Variants in CNTN5 observed in about 807,000 individuals in gnomAD.
CNTN5 encodes the protein contactin 5.
Under a neutral mutation model 129.1 loss-of-function variants are expected in CNTN5, and 77 were observed. The ratio of observed to expected loss-of-function variants is 0.60; its 90% confidence interval spans 0.50 to 0.72. The LOEUF (loss-of-function observed/expected upper bound fraction) is 0.72. CNTN5 is among the 30% of genes least tolerant of loss of function. CNTN5 has a pLI of 0.00. For missense variants in CNTN5, 1,478 were observed against 1,328.8 expected (o/e 1.11, Z -1.75); for synonymous variants, 509 against 465.6 (o/e 1.09, Z -1.20).
At chr11:100,136,538 T>C (rs1188935896) in intron 13 of CNTN5, among the ~76,000 whole-genome samples, 3 of 152,086 alleles carry the variant, frequency 2.0e-5, no homozygotes, top group Non-Finnish European at 4.4e-5. Context: ...TTTAGTTTTT[T>C]GTAATAATTG....
chr11:99,855,331 A>G (rs557156366), intron 6 of CNTN5, among the ~76,000 whole-genome samples: 1 of 152,218 alleles, frequency 6.6e-6, no homozygotes, highest in South Asian at 2.1e-4. Context: ...AACAACAACA[A>G]CAACAAAACT....
chr11:99,755,750 C>T (rs931153990), intron 3 of CNTN5, among the ~76,000 whole-genome samples: 3 of 151,994 alleles, frequency 2.0e-5, no homozygotes, highest in African/African-American at 4.8e-5. Context: ...GAATTAGAGA[C>T]CCTGAAAGAA....
At chr11:99,763,822 C>T (rs564694475) in intron 3 of CNTN5, among the ~76,000 whole-genome samples, 28 of 151,418 alleles carry the variant, frequency 1.8e-4, no homozygotes, top group South Asian at 1.3e-3. Context: ...ATAGAACAAC[C>T]GTAAAAAATC....
chr11:100,107,361 C>G (rs932650288), intron 13 of CNTN5, among the ~76,000 whole-genome samples: 1 of 151,828 alleles, frequency 6.6e-6, no homozygotes, highest in Non-Finnish European at 1.5e-5. Context: ...GGTCAATAGA[C>G]TTAATGAAAA....
At chr11:99,967,310 C>G (rs1362580318) in intron 8 of CNTN5, among the ~76,000 whole-genome samples, 1 of 152,162 alleles carries the variant, frequency 6.6e-6, no homozygotes, top group Non-Finnish European at 1.5e-5. Context: ...CCCTTACTGA[C>G]ATGGTGAAAA....
chr11:100,240,184 T>C (rs1450202071), intron 16 of CNTN5, among the ~76,000 whole-genome samples: 1 of 152,062 alleles, frequency 6.6e-6, no homozygotes, highest in African/African-American at 2.4e-5. Context: ...CTGTAATCCA[T>C]CCATTATATG....
At chr11:99,082,188 CTTTTT>C (rs747509458) in intron 1 of CNTN5, among the ~76,000 whole-genome samples, 1 of 132,814 alleles carries the variant, frequency 7.5e-6, no homozygotes, top group Non-Finnish European at 1.6e-5. Context: ...TCTCCAAAAG[CTTTTT>C]TTTTTTTTTT....
At chr11:99,607,426 A>G (rs199828250) in intron 3 of CNTN5, among the ~76,000 whole-genome samples, 28,760 of 137,786 alleles carry the variant, frequency 0.21, 3,361 homozygotes, top group Middle Eastern at 0.3. Flanking sequence ...TTAGAATGGC[A>G]ATCATTAAAA....
chr11:100,293,176 T>A (rs940914476), intron 18 of CNTN5, among the ~76,000 whole-genome samples: 7 of 151,876 alleles, frequency 4.6e-5, no homozygotes. Context: ...TGCATTTAGT[T>A]CATTGTGGAT....
At position 100,158,252 on chromosome 11, in the gene CNTN5, G is replaced by A. The variant is rs190438429; in HGVS notation, c.1581-32874G>A. 9.3e-4 allele frequency among the ~76,000 whole-genome samples: 142 copies of A among 151,942 alleles called. 1 individual carries two copies. The highest frequency in any genetic ancestry group is 1.9e-3 in the Non-Finnish European group (127 of 67,834). On this transcript the variant is annotated intron_variant, in intron 13 of 24. Coordinates refer to ENST00000524871, the MANE Select transcript of CNTN5 (RefSeq NM_014361.4). Reference sequence around the variant, plus strand: ...AAAATGGATCAGGGTTACTGGAAATGGAGAGTTGTTGGTCAAAGGATACAA... The same window carrying A: ...AAAATGGATCAGGGTTACTGGAAATAGAGAGTTGTTGGTCAAAGGATACAA...
intron 6 of CNTN5, among the ~76,000 whole-genome samples, chr11:99,900,930 A>G (rs376090189): frequency 6.6e-6 from 1 of 151,972 alleles, no homozygotes; most frequent in African/African-American, 2.4e-5. Flanking sequence ...CTATATCTTT[A>G]TGGTCAAAAG....
intron 3 of CNTN5, among the ~76,000 whole-genome samples, chr11:99,804,549 G>C (rs952565720): frequency 7.1e-6 from 1 of 141,692 alleles, no homozygotes; most frequent in Non-Finnish European, 1.5e-5. Context: ...AAAAAACTCA[G>C]TAAAGTATGA....
In CNTN5 at chr11:100,098,315, CATT is replaced by C. The variant is rs141312561; in HGVS notation, c.1580+24024_1580+24026del. ...AAGATAAGAAAGTAGTGATTACTTACATTATAAAGGTTTAAATATCTATATTTA... is the reference window on the plus strand; with the variant it reads ...AAGATAAGAAAGTAGTGATTACTTACATAAAGGTTTAAATATCTATATTTA... On this transcript the variant is annotated intron_variant, in intron 13 of 24. Coordinates refer to ENST00000524871, the MANE Select transcript of CNTN5 (RefSeq NM_014361.4). Among the ~76,000 whole-genome samples the C allele has an allele frequency of 7.1e-3, 1,087 of 152,086 alleles. 14 individuals carry two copies. The highest frequency in any genetic ancestry group is 0.025 in the African/African-American group (1,020 of 41,512).
chr11:99,741,167 A>G (rs1375170248), intron 3 of CNTN5, among the ~76,000 whole-genome samples: 1 of 152,168 alleles, frequency 6.6e-6, no homozygotes, highest in East Asian at 1.9e-4. Flanking sequence ...GAATAATAAT[A>G]TCATATAACA....
intron 7 of CNTN5, among the ~76,000 whole-genome samples, chr11:99,955,848 G>C (rs1950788650): frequency 6.6e-6 from 1 of 152,030 alleles, no homozygotes; most frequent in Non-Finnish European, 1.5e-5. Flanking sequence ...ACGGGCGTTA[G>C]CCCCCGTGTG....
intron 1 of CNTN5, among the ~76,000 whole-genome samples, chr11:99,224,090 A>G (rs952641187): frequency 2.0e-5 from 3 of 152,202 alleles, no homozygotes; most frequent in African/African-American, 7.2e-5. Context: ...CAATTGGAAC[A>G]ATACTTTAAG....
chr11:100,132,751 A>C (rs77131129), intron 13 of CNTN5, among the ~76,000 whole-genome samples: 3,284 of 152,228 alleles, frequency 0.022, 102 homozygotes, highest in African/African-American at 0.063. Context: ...ATGGTGCGCT[A>C]TGTATTATGA....
intron 2 of CNTN5, among the ~76,000 whole-genome samples, chr11:99,398,873 C>A (rs2136205906): frequency 6.6e-6 from 1 of 151,870 alleles, no homozygotes; most frequent in East Asian, 1.9e-4. Context: ...CAAGAATTTC[C>A]TTTGCCTTTT....
At chr11:99,780,829 G>A (rs951738828) in intron 3 of CNTN5, among the ~76,000 whole-genome samples, 1 of 152,006 alleles carries the variant, frequency 6.6e-6, no homozygotes, top group Non-Finnish European at 1.5e-5. Flanking sequence ...AGTTTTAAAA[G>A]TGCAACTTCA....
Sources: allele counts gnomAD v4.1 joint callset (sites outside exome capture counted in the v4.1 genomes callset), GRCh38; gene constraint gnomAD v4.1.1; transcripts MANE v1.5; gene names NCBI Gene and HGNC (gene_info 2026-07-23, HGNC 2026-07-21).